BICDL1: variants seen among roughly 807,000 people sequenced by gnomAD.
BICDL1 encodes the protein BICD family-like cargo adapter 1.
A neutral mutation model predicts 76.8 loss-of-function variants in BICDL1; 20 were observed. The ratio of observed to expected loss-of-function variants is 0.26; its 90% CI spans 0.18 to 0.38. The LOEUF is 0.38. Among genes scored for constraint, BICDL1 ranks in the 10% least tolerant of loss-of-function variants. BICDL1 has a pLI of 1.00. For missense variants in BICDL1, 700 were observed against 798.6 expected (o/e 0.88, Z 1.49); for synonymous variants, 383 against 337.1 (o/e 1.14, Z -1.49).
At chr12:120,012,352 A>C (rs1445310203) in intron 2 of BICDL1, among the ~76,000 whole-genome samples, 1 of 152,226 alleles carries the variant, frequency 6.6e-6, no homozygotes, top group Non-Finnish European at 1.5e-5. Context: ...GACATTCTGT[A>C]ATTCTCCACG....
intron 2 of BICDL1, among the ~76,000 whole-genome samples, chr12:120,053,947 C>T (rs1217126469): frequency 2.0e-5 from 3 of 151,956 alleles, no homozygotes; most frequent in South Asian, 2.1e-4. Flanking sequence ...CCAAGGTGGG[C>T]GGATCACCTG....
chr12:120,090,242 AAG>A, intron 9 of BICDL1, 171 bp downstream of exon 9: 2 of 707,562 alleles, frequency 2.8e-6, no homozygotes, highest in Non-Finnish European at 4.5e-6. Flanking sequence ...GTCCTTGGGG[AAG>A]AATGCTTAAG....
At position 120,079,908 on chromosome 12, in the gene BICDL1, G is replaced by T. The variant is rs139970499; in HGVS notation, c.1453-979G>T. Among the ~76,000 whole-genome samples the T allele has an allele frequency of 1.3e-5, 2 of 152,328 alleles. No homozygotes were observed. Among genetic ancestry groups the T allele is most frequent in the South Asian group, 4.1e-4 (2 of 4,828 alleles). On this transcript the variant is annotated intron_variant, in intron 7 of 9. Transcript: ENST00000548673. The surrounding 1 kb of genome is among the most constrained non-coding windows in gnomAD (Gnocchi z 4.3). Reference sequence around the variant, plus strand: ...CTGGCAAGTTTGGTCACAGGCCCACGCCCAGACTGCCTGGGAAAGGAAATG... The same window carrying T: ...CTGGCAAGTTTGGTCACAGGCCCACTCCCAGACTGCCTGGGAAAGGAAATG...
chr12:120,012,761 T>A (rs1033503011), intron 2 of BICDL1, among the ~76,000 whole-genome samples: 2 of 152,190 alleles, frequency 1.3e-5, no homozygotes, highest in East Asian at 3.8e-4. Context: ...TGTATTTTTT[T>A]TCTTTTTTAA....
intron 9 of BICDL1, chr12:120,092,200 G>A (rs1242252115): frequency 1.0e-6 from 1 of 985,248 alleles, no homozygotes; most frequent in Non-Finnish European, 1.2e-6. Flanking sequence ...GAAGGGAGTG[G>A]AGCTGCCCTG....
chr12:120,015,645 A>G (rs190094684), intron 2 of BICDL1, among the ~76,000 whole-genome samples: 2 of 152,346 alleles, frequency 1.3e-5, no homozygotes, highest in Non-Finnish European at 2.9e-5. Context: ...GAAACTTCGT[A>G]TGTGTTAGAA....
intron 2 of BICDL1, among the ~76,000 whole-genome samples, chr12:120,031,831 C>T (rs1380150208): frequency 6.6e-6 from 1 of 152,162 alleles, no homozygotes; most frequent in Non-Finnish European, 1.5e-5. Flanking sequence ...TTGGCTCACA[C>T]CTGTAATCCC....
intron 2 of BICDL1, among the ~76,000 whole-genome samples, chr12:120,020,659 C>G (rs1952160170): frequency 6.6e-6 from 1 of 152,024 alleles, no homozygotes; most frequent in South Asian, 2.1e-4. Flanking sequence ...ATAACTGATT[C>G]AGGCAAAAAT....
intron 2 of BICDL1, among the ~76,000 whole-genome samples, chr12:120,022,361 C>T (rs1489108983): frequency 1.3e-5 from 2 of 150,088 alleles, no homozygotes; most frequent in Non-Finnish European, 3.0e-5. Flanking sequence ...CTCAGGAGTT[C>T]GAGACCACCC....
chr12:120,083,211 G>GA (rs1390730316), intron 8 of BICDL1, among the ~76,000 whole-genome samples: 1 of 152,048 alleles, frequency 6.6e-6, no homozygotes, highest in African/African-American at 2.4e-5. Flanking sequence ...AGAAACTTTG[G>GA]AAACAAACAT....
Position 120,072,569 on chromosome 12 carries a change from G to A in BICDL1, c.1148G>A (p.Arg383Gln), listed in dbSNP as rs886824529. The stretch of plus-strand genomic sequence containing the variant: ...GTTCGCTATCTGTGCTCACACCTTC[G>A]AGGCAATGACAGTGCTGACTCAGCC... ...CQVRYLCSHLRGNDSADSAVS... is the reference protein window; with the variant it reads ...CQVRYLCSHLQGNDSADSAVS... The change falls in exon 6 of 10, where the codon CGA (arginine) becomes CAA (glutamine). Residue 383 changes from arginine to glutamine, a missense_variant. Arg to Gln is a conservative substitution (Grantham distance 43). Around this residue, in one of 3 missense-constraint regions of BICDL1, gnomAD observed 455 missense variants for 548.7 expected, o/e 0.83. Transcript: ENST00000548673. 1.2e-6 allele frequency: 2 copies of A among 1,614,036 alleles called. No homozygotes were observed. The highest frequency in any genetic ancestry group is 1.3e-5 in the African/African-American group (1 of 74,924).
intron 8 of BICDL1, among the ~76,000 whole-genome samples, chr12:120,086,302 C>T (rs1874408218): frequency 1.3e-5 from 2 of 152,304 alleles, no homozygotes; most frequent in South Asian, 4.1e-4. Context: ...AGAATTGAGA[C>T]GACAAGCCTA....
intron 4 of BICDL1, among the ~76,000 whole-genome samples, chr12:120,067,052 T>C (rs1228936668): frequency 6.6e-6 from 1 of 152,206 alleles, no homozygotes; most frequent in Non-Finnish European, 1.5e-5. Context: ...AAACAACTGA[T>C]CAAATCCAAC....
chr12:120,087,425 A>G (rs1371294500), intron 8 of BICDL1, among the ~76,000 whole-genome samples: 4 of 152,252 alleles, frequency 2.6e-5, no homozygotes, highest in Non-Finnish European at 5.9e-5. Context: ...TGCTGGTCGC[A>G]GCAGTGGCCT....
At chr12:120,057,929 C>T (rs1355733881) in intron 2 of BICDL1, among the ~76,000 whole-genome samples, 1 of 149,838 alleles carries the variant, frequency 6.7e-6, no homozygotes, top group Non-Finnish European at 1.5e-5. Flanking sequence ...CTCCCGGGCT[C>T]ATGCCATTCT....
At chr12:120,081,245 A>G (rs1486202697) in intron 8 of BICDL1, among the ~76,000 whole-genome samples, 1 of 143,616 alleles carries the variant, frequency 7.0e-6, no homozygotes, top group Non-Finnish European at 1.5e-5. Context: ...TTTCTTATGC[A>G]TATGTAGGTG....
intron 8 of BICDL1, among the ~76,000 whole-genome samples, chr12:120,089,602 G>A (rs911529823): frequency 1.3e-5 from 2 of 151,834 alleles, no homozygotes; most frequent in Non-Finnish European, 2.9e-5. Flanking sequence ...GGCTGGTCTC[G>A]AACCCTCGAT....
At chr12:120,008,180 A>G (rs982113549) in intron 2 of BICDL1, among the ~76,000 whole-genome samples, 6 of 107,680 alleles carry the variant, frequency 5.6e-5, no homozygotes, top group Admixed American at 5.2e-4. Flanking sequence ...TTTTTTTGAG[A>G]CAGGATCTCA....
Position 119,994,797 on chromosome 12 carries a change from A to AT in BICDL1, c.430-3718dup, listed in dbSNP as rs1425972112. On this transcript the variant is annotated intron_variant, in intron 1 of 9. Coordinates refer to ENST00000548673, the MANE Select transcript of BICDL1 (RefSeq NM_001367886.1). ...GCCACTGCGCCCAGCCATAGACTCT[A>AT]TTTTTTAAAATGGTTTTAGATTTCC... Among the ~76,000 whole-genome samples, 3 of 152,212 alleles carry AT rather than the reference A, an allele frequency of 2.0e-5. No individual in the cohort carries two copies. In the East Asian group the frequency reaches 5.8e-4, roughly 29 times the overall value.
Sources: allele counts gnomAD v4.1 joint callset (sites outside exome capture counted in the v4.1 genomes callset), GRCh38; gene constraint gnomAD v4.1.1; regional missense constraint gnomAD v4.1.1; non-coding constraint Gnocchi (gnomAD v3.1); transcripts MANE v1.5; gene names NCBI Gene and HGNC (gene_info 2026-07-23, HGNC 2026-07-21).